NFIA: variants seen among roughly 807,000 people sequenced by gnomAD.
NFIA encodes nuclear factor 1 A-type.
NFIA carries 8 observed loss-of-function variants against 62.8 expected under a neutral mutation model. That is an observed-to-expected ratio of 0.13 (90% CI 0.07 to 0.23). NFIA has a LOEUF of 0.23. Among genes scored for constraint, NFIA ranks in the 10% least tolerant of loss-of-function variants. NFIA has a pLI of 1.00. For missense variants in NFIA, 410 were observed against 642.1 expected (o/e 0.64, Z 3.91); for synonymous variants, 235 against 238.1 (o/e 0.99, Z 0.12).
chr1:61,228,412 G>A, intron 2 of NFIA, among the ~76,000 whole-genome samples: 1 of 152,186 alleles, frequency 6.6e-6, no homozygotes, highest in East Asian at 1.9e-4. Flanking sequence ...AGCTGCAGCT[G>A]TAACCACCCA....
rs917427940 is a variant in NFIA, at chr1:61,232,974, T to C, written c.560-44546T>C. On this transcript the variant is annotated intron_variant, in intron 2 of 10. Transcript: ENST00000403491. ...TTAGTTCTGGTTTGTTCTATTTTTT[T>C]CTCAGAATTGTAATTGAGTGTATAT... Among the ~76,000 whole-genome samples the C allele has an allele frequency of 7.2e-5, 11 of 152,324 alleles. No homozygotes were observed. The East Asian group carries it at 9.6e-4, about 13-fold the overall frequency.
rs1557681338 is a variant in NFIA at position 61,283,590 on chromosome 1, A to AG, written c.625+6005_625+6006insG. Among the ~76,000 whole-genome samples the AG allele has an allele frequency of 4.3e-5, 5 of 117,502 alleles. No individual in the cohort carries two copies. In the East Asian group the frequency reaches 1.3e-3, roughly 31 times the overall value. 77.1% of individuals were successfully genotyped at this position (117,502 alleles called of 152,430 possible). ...GAACGAGACTCTGTCTCAAAAAAAAAAAAAAAAAAAAAAAAAAAGATTTAT... is the reference window on the plus strand; with the variant it reads ...GAACGAGACTCTGTCTCAAAAAAAAAGAAAAAAAAAAAAAAAAAAGATTTAT... On this transcript the variant is annotated intron_variant, in intron 3 of 10. Transcript: ENST00000403491.
At chr1:61,443,713 T>G (rs1039308558) in intron 10 of NFIA, among the ~76,000 whole-genome samples, 5 of 152,228 alleles carry the variant, frequency 3.3e-5, no homozygotes, top group African/African-American at 1.2e-4. Flanking sequence ...CTTGCTGTTA[T>G]AGATAAACTC....
At position 61,082,594 on chromosome 1, in the gene NFIA, CGCTG is replaced by C. The variant is rs143384586; in HGVS notation, c.-185_-182del. The C allele has an allele frequency of 5.5e-3, 8,149 of 1,486,512 alleles. 184 individuals are homozygous for C. In the African/African-American group the frequency reaches 0.056, roughly 10 times the overall value. 92.1% of individuals were successfully genotyped at this position (1,486,512 alleles called of 1,614,324 possible). Reference sequence around the variant, plus strand: ...AGTTCAGCTCATGGAGCGGCAATAGCGCTGGCTGGCTGGCTGCAGTTGAGCCGAC... The same window carrying C: ...AGTTCAGCTCATGGAGCGGCAATAGCGCTGGCTGGCTGCAGTTGAGCCGAC... On this transcript the variant is annotated 5_prime_UTR_variant, in exon 1 of 11. Coordinates refer to ENST00000403491, the MANE Select transcript of NFIA (RefSeq NM_001134673.4).
chr1:61,152,302 AATC>A (rs1200357123), intron 2 of NFIA, among the ~76,000 whole-genome samples: 1 of 152,108 alleles, frequency 6.6e-6, no homozygotes, highest in African/African-American at 2.4e-5. Flanking sequence ...GAGGAGTCAA[AATC>A]ATCATTCACT....
chr1:61,112,696 A>G (rs995856106), intron 2 of NFIA, among the ~76,000 whole-genome samples: 1 of 152,226 alleles, frequency 6.6e-6, no homozygotes, highest in African/African-American at 2.4e-5. Context: ...GGGTGATTTA[A>G]TAAACTATCT....
chr1:61,280,451 GTA>G (rs4020675), intron 3 of NFIA, among the ~76,000 whole-genome samples: 3 of 151,592 alleles, frequency 2.0e-5, no homozygotes, highest in African/African-American at 7.3e-5. Flanking sequence ...GTATGTGTGT[GTA>G]TATATATATG....
At chr1:61,189,145 C>T (rs150555990) in intron 2 of NFIA, among the ~76,000 whole-genome samples, 2 of 152,124 alleles carry the variant, frequency 1.3e-5, no homozygotes, top group Non-Finnish European at 2.9e-5. Context: ...CTTCTGTGGC[C>T]CAGAGAAAGC....
intron 2 of NFIA, among the ~76,000 whole-genome samples, chr1:61,165,645 C>T (rs1649518753): frequency 1.3e-5 from 2 of 152,148 alleles, no homozygotes; most frequent in Admixed American, 6.5e-5. Context: ...TTCAGGAAGT[C>T]ATCACATGTA....
intron 2 of NFIA, among the ~76,000 whole-genome samples, chr1:61,195,032 C>T (rs1205682227): frequency 6.7e-6 from 1 of 149,676 alleles, no homozygotes; most frequent in Non-Finnish European, 1.5e-5. Context: ...ATTCTGTGAA[C>T]CTTTGCTTCT....
At chr1:61,172,838 C>CAT (rs1406733475) in intron 2 of NFIA, among the ~76,000 whole-genome samples, 3 of 152,152 alleles carry the variant, frequency 2.0e-5, no homozygotes, top group African/African-American at 7.2e-5. Flanking sequence ...TTATTTATAA[C>CAT]ATAACTCGAC....
At chr1:61,117,475 T>G (rs1646811224) in intron 2 of NFIA, among the ~76,000 whole-genome samples, 1 of 149,850 alleles carries the variant, frequency 6.7e-6, no homozygotes, top group African/African-American at 2.5e-5. Context: ...ACCTTAATCC[T>G]TTATTGTCAA....
chr1:61,187,660 G>A (rs931106386), intron 2 of NFIA, among the ~76,000 whole-genome samples: 3 of 152,254 alleles, frequency 2.0e-5, no homozygotes, highest in Admixed American at 2.0e-4. Flanking sequence ...AGCAGCAGGA[G>A]TAGAGAAGTA....
chr1:61,420,927 C>T (rs12142600), intron 9 of NFIA, among the ~76,000 whole-genome samples: 65,767 of 152,054 alleles, frequency 0.43, 14,941 homozygotes, highest in South Asian at 0.59. Context: ...CCTTAAAATA[C>T]TACCTTTCCT....
At chr1:61,216,340 G>A (rs989695898) in intron 2 of NFIA, among the ~76,000 whole-genome samples, 1 of 151,718 alleles carries the variant, frequency 6.6e-6, no homozygotes, top group African/African-American at 2.4e-5. Context: ...ATTTTTATCT[G>A]TCATCGCCAC....
chr1:61,238,004 T>G (rs1655106922), intron 2 of NFIA, among the ~76,000 whole-genome samples: 1 of 152,232 alleles, frequency 6.6e-6, no homozygotes. Context: ...TCTTTGTATG[T>G]ACATGCTCTG....
At chr1:61,240,118 T>A (rs1262904391) in intron 2 of NFIA, among the ~76,000 whole-genome samples, 1 of 152,162 alleles carries the variant, frequency 6.6e-6, no homozygotes, top group Non-Finnish European at 1.5e-5. Context: ...CGATCATGGT[T>A]TAACTAATTG....
At chr1:61,426,860 C>CTTT (rs1666893792) in intron 10 of NFIA, among the ~76,000 whole-genome samples, 1 of 152,108 alleles carries the variant, frequency 6.6e-6, no homozygotes, top group Non-Finnish European at 1.5e-5. Flanking sequence ...TAAATGCAAG[C>CTTT]AGACAGAAGC....
intron 2 of NFIA, among the ~76,000 whole-genome samples, chr1:61,230,097 G>A (rs538790599): frequency 6.6e-6 from 1 of 152,194 alleles, no homozygotes; most frequent in South Asian, 2.1e-4. Flanking sequence ...TATCTACCTA[G>A]ACAAAAGGTT....
Sources: allele counts gnomAD v4.1 joint callset (sites outside exome capture counted in the v4.1 genomes callset), GRCh38; gene constraint gnomAD v4.1.1; transcripts MANE v1.5; gene names NCBI Gene and HGNC (gene_info 2026-07-23, HGNC 2026-07-21).